The following PLIN1 variants were observed in gnomAD, a reference collection of about 807,000 sequenced individuals.
PLIN1 encodes the protein perilipin 1, also known as perilipin-1.
In PLIN1, 37 loss-of-function variants were observed where a neutral mutation model predicts 45.8. The ratio of observed to expected loss-of-function variants is 0.81; its 90% CI spans 0.62 to 1.06. The LOEUF (loss-of-function observed/expected upper bound fraction) is 1.06. Ranked by LOEUF, PLIN1 falls within the 50% of genes least tolerant of loss-of-function variation. The pLI is 0.00. For synonymous variants in PLIN1, 340 were observed against 309.2 expected (o/e 1.10, Z -1.05); for missense variants, 776 against 716.5 (o/e 1.08, Z -0.95).
chr15:89,670,449 C>A (rs1370442430), intron 4 of PLIN1, among the ~76,000 whole-genome samples: 2 of 152,170 alleles, frequency 1.3e-5, no homozygotes, highest in Admixed American at 6.5e-5. Flanking sequence ...CTGTTTGGAT[C>A]TCCTGGCTTC....
intron 4 of PLIN1, 84 bp downstream of exon 4, chr15:89,671,398 G>C: frequency 1.0e-6 from 1 of 976,160 alleles, no homozygotes; most frequent in Non-Finnish European, 1.6e-6. Flanking sequence ...TTCCAGTCAC[G>C]GCATCAGCAG....
At chr15:89,668,519 A>T (rs1049369417) in intron 6 of PLIN1, among the ~76,000 whole-genome samples, 2 of 152,248 alleles carry the variant, frequency 1.3e-5, no homozygotes, top group Non-Finnish European at 2.9e-5. Context: ...GAAAAATTCA[A>T]TGAACCAGAG....
chr15:89,664,859 T>A lies in PLIN1; in HGVS notation c.*724A>T, dbSNP rs1964306328. The A allele has an allele frequency of 2.2e-6, 1 of 456,028 alleles. No individual in the cohort carries two copies. The highest frequency in any genetic ancestry group is 2.3e-5 in the Admixed American group (1 of 42,562). The allele number at this position is 456,028 out of a possible 1,614,324, so 28.2% of individuals were successfully genotyped here. ...ACATAAAGTCTATATATCATCACCA[T>A]TTTGGTTCCCCAGCATCAAAAGAGT... On this transcript the variant is annotated 3_prime_UTR_variant, in exon 9 of 9. Transcript: ENST00000300055.
chr15:89,667,028 C>T lies in PLIN1; in HGVS notation c.1117G>A (p.Val373Ile). Residue 373 changes from valine to isoleucine, a missense_variant, in exon 8 of 9, where the codon GTC (valine) becomes ATC (isoleucine). Physicochemically the swap from Val to Ile is conservative, Grantham distance 29. Coordinates refer to ENST00000300055, the MANE Select transcript of PLIN1 (RefSeq NM_002666.5). Reference protein sequence around the residue: ...RVLHLTPAPAVSSTKGRAMSL... With the variant: ...RVLHLTPAPAISSTKGRAMSL... ...ATGGCCCTCCCCTTGGTTGAGGAGA[C>T]AGCAGGGGCTGGTGTGAGGTGCAGC... 1 of 1,614,138 alleles carries T rather than the reference C, an allele frequency of 6.2e-7. No homozygotes were observed. Among genetic ancestry groups the T allele is most frequent in the Non-Finnish European group, 8.5e-7 (1 of 1,179,994 alleles).
rs375393373 is a variant in PLIN1 at position 89,669,609 on chromosome 15, C to T, written c.662G>A (p.Arg221Lys). 2 of 1,614,102 alleles carry T rather than the reference C, an allele frequency of 1.2e-6. No individual in the cohort carries two copies. The highest frequency in any genetic ancestry group is 1.1e-5 in the South Asian group (1 of 91,078). ...GAGGGTGTTGGTCAGAGCCCCAACC[C>T]TGCTCAAGAGGCTTGGCTTGGCCTT... Reference protein sequence around the residue: ...SPKAKPSLLSRVGALTNTLSR... With the variant: ...SPKAKPSLLSKVGALTNTLSR... Residue 221 changes from arginine to lysine, a missense_variant, in exon 6 of 9, where the codon AGG (arginine) becomes AAG (lysine). Physicochemically the swap from Arg to Lys is conservative, Grantham distance 26. Coordinates refer to ENST00000300055, the MANE Select transcript of PLIN1 (RefSeq NM_002666.5).
chr15:89,675,073 G>A (rs1034373178), intron 2 of PLIN1, among the ~76,000 whole-genome samples: 3 of 151,956 alleles, frequency 2.0e-5, no homozygotes, highest in Admixed American at 6.6e-5. Flanking sequence ...CCATAATCAC[G>A]CCACTGTACC....
At chr15:89,676,423 A>G (rs772885692) in intron 2 of PLIN1, among the ~76,000 whole-genome samples, 4 of 151,926 alleles carry the variant, frequency 2.6e-5, no homozygotes, top group Non-Finnish European at 4.4e-5. Context: ...GATTTTTTGT[A>G]TTTTTAGTAG....
chr15:89,677,423 C>T (rs1596044913), intron 2 of PLIN1, 22 bp downstream of exon 2: 2 of 1,605,312 alleles, frequency 1.2e-6, no homozygotes, highest in Non-Finnish European at 1.7e-6. Context: ...TCCCCTGTCA[C>T]AGATGAGCCC....
chr15:89,669,520 T>C lies in PLIN1; in HGVS notation c.751A>G (p.Ile251Val). 1 of 1,612,988 alleles carries C rather than the reference T, an allele frequency of 6.2e-7. No homozygotes were observed. The highest frequency in any genetic ancestry group is 8.5e-7 in the Non-Finnish European group (1 of 1,179,954). The change falls in exon 6 of 9, where the codon ATC becomes GTC. Residue 251 changes from isoleucine (I) to valine (V), a missense_variant. By Grantham distance (29) the Ile-to-Val change is conservative (BLOSUM62 3). Transcript: ENST00000300055. ...CTTACCAGGGGCACCACGCCTGGGATCCACATGGCCACGGTGTGGCCCTGC... is the reference window on the plus strand; with the variant it reads ...CTTACCAGGGGCACCACGCCTGGGACCCACATGGCCACGGTGTGGCCCTGC... ...LEQGHTVAMWIPGVVPLSSLA... is the reference protein window; with the variant it reads ...LEQGHTVAMWVPGVVPLSSLA...
Position 89,673,293 on chromosome 15 carries a change from T to C in PLIN1, c.167A>G (p.Asn56Ser), listed in dbSNP as rs760083919. Reference sequence around the variant, plus strand: ...GCTCTGCACGCCCTTCTCATAGGCATTGCACACAGAGGCCACCAGGGGGTG... The same window carrying C: ...GCTCTGCACGCCCTTCTCATAGGCACTGCACACAGAGGCCACCAGGGGGTG... ...EAHPLVASVCNAYEKGVQSAS... is the reference protein window; with the variant it reads ...EAHPLVASVCSAYEKGVQSAS... Residue 56 changes from asparagine to serine, a missense_variant, in exon 3 of 9, where the codon AAT becomes AGT. Asn to Ser is a conservative substitution (Grantham distance 46). Transcript: ENST00000300055. 5.7e-6 allele frequency: 9 copies of C among 1,586,472 alleles called. No individual in the cohort carries two copies. In the African/African-American group the frequency reaches 9.4e-5, roughly 17 times the overall value.
At position 89,667,631 on chromosome 15, in the gene PLIN1, A is replaced by C; in HGVS notation, c.934T>G (p.Leu312Val). The change falls in exon 7 of 9, where the codon TTG becomes GTG. Residue 312 changes from leucine to valine, a missense_variant. Coordinates refer to ENST00000300055, the MANE Select transcript of PLIN1 (RefSeq NM_002666.5). The part of the protein sequence containing the change: ...EGEDTEEEEE[L>V]ETEENKFSEV... The stretch of plus-strand genomic sequence containing the variant: ...CTGAACTTGTTCTCCTCAGTCTCCA[A>C]TTCTTCCTCCTCCTCCGTGTCCTCT... 9 of 1,613,544 alleles carry C rather than the reference A, an allele frequency of 5.6e-6. No homozygotes were observed. The highest frequency in any genetic ancestry group is 7.6e-6 in the Non-Finnish European group (9 of 1,179,746).
rs1375634395 is a variant in PLIN1 at position 89,669,983 on chromosome 15, A to C, written c.595T>G (p.Ser199Ala). The C allele has an allele frequency of 1.2e-6, 2 of 1,610,148 alleles. No individual in the cohort carries two copies. Among genetic ancestry groups the C allele is most frequent in the Admixed American group, 1.7e-5 (1 of 59,806 alleles). ...CGAGCCTCCGAATGGCAGGTACCTG[A>C]CTCTTCCTTGTCTGGAGGGAGGAGG... ...EYLLPPDKEE[S>A]APAPGHQQAQ... Residue 199 changes from serine to alanine, a missense_variant, in exon 5 of 9, where the codon TCA becomes GCA. By Grantham distance (99) the Ser-to-Ala change is moderately conservative. Coordinates refer to ENST00000300055, the MANE Select transcript of PLIN1 (RefSeq NM_002666.5).
chr15:89,669,512 G>A lies in PLIN1; in HGVS notation c.759C>T (p.Gly253=), dbSNP rs370130257. ...GGCAGATACTTACCAGGGGCACCACGCCTGGGATCCACATGGCCACGGTGT... is the reference window on the plus strand; with the variant it reads ...GGCAGATACTTACCAGGGGCACCACACCTGGGATCCACATGGCCACGGTGT... ...QGHTVAMWIP[G]VVPLSSLAQW... The change falls in exon 6 of 9, where the codon GGC becomes GGT. Residue 253 remains glycine (G), a synonymous_variant. Coordinates refer to ENST00000300055, the MANE Select transcript of PLIN1 (RefSeq NM_002666.5). 1.2e-6 allele frequency: 2 copies of A among 1,612,282 alleles called. No individual in the cohort carries two copies. Among genetic ancestry groups the A allele is most frequent in the South Asian group, 1.1e-5 (1 of 91,050 alleles).
intron 2 of PLIN1, among the ~76,000 whole-genome samples, chr15:89,674,684 A>G (rs1964489420): frequency 6.6e-6 from 1 of 152,090 alleles, no homozygotes; most frequent in Non-Finnish European, 1.5e-5. Context: ...AAACTGAGCA[A>G]ACCTATTTCC....
rs1473648937 is a variant in PLIN1 at position 89,665,106 on chromosome 15, G to C, written c.*477C>G. 5.5e-6 allele frequency: 2 copies of C among 363,118 alleles called. No homozygotes were observed. The highest frequency in any genetic ancestry group is 7.1e-5 in the Admixed American group (2 of 28,020). 22.5% of individuals were successfully genotyped at this position (363,118 alleles called of 1,614,324 possible). A position where few individuals can be genotyped will look rare whatever the true frequency, so the allele number is the denominator to read the frequency against. On this transcript the variant is annotated 3_prime_UTR_variant, in exon 9 of 9. Transcript: ENST00000300055. ...ATCATCAGAGGATGTTCATCAGAGG[G>C]GGAACAGATCATCCTAGATCACAGA...
chr15:89,665,533 A>G lies in PLIN1; in HGVS notation c.*50T>C, dbSNP rs1596037748. On this transcript the variant is annotated 3_prime_UTR_variant, in exon 9 of 9. Coordinates refer to ENST00000300055, the MANE Select transcript of PLIN1 (RefSeq NM_002666.5). ...CGCCTGGGCAGTGCGGGTTCTGTTT[A>G]TTTGTTAGAGAAACCCGCCGGCCCG... The G allele has an allele frequency of 6.6e-7, 1 of 1,514,830 alleles. No homozygotes were observed. Among genetic ancestry groups the G allele is most frequent in the East Asian group, 2.6e-5 (1 of 39,192 alleles). 93.8% of individuals were successfully genotyped at this position (1,514,830 alleles called of 1,614,324 possible). A position where few individuals can be genotyped will look rare whatever the true frequency, so the allele number is the denominator to read the frequency against.
Position 89,670,118 on chromosome 15 carries a change from A to C in PLIN1, c.460T>G (p.Trp154Gly). 2 of 1,614,148 alleles carry C rather than the reference A, an allele frequency of 1.2e-6. No individual in the cohort carries two copies. The highest frequency in any genetic ancestry group is 1.7e-6 in the Non-Finnish European group (2 of 1,180,016). The change falls in exon 5 of 9, where the codon TGG becomes GGG. Residue 154 changes from tryptophan to glycine, a missense_variant. By Grantham distance (184) the Trp-to-Gly change is radical. Transcript: ENST00000300055. ...GAALAGCELA[W>G]GVARDTAEFA... ...TCCGCAGTGTCTCTGGCCACCCCCC[A>C]GGCAAGCTCGCACCCGGCCAAAGCG...
At chr15:89,666,019 G>GC in intron 8 of PLIN1, 77 bp from the exon 9 acceptor site, 1 of 1,161,154 alleles carries the variant, frequency 8.6e-7, no homozygotes, top group South Asian at 1.8e-5. Flanking sequence ...CCCTTCCCGG[G>GC]CCCCTCGATT....
At chr15:89,677,578 T>G (rs1029990776) in intron 1 of PLIN1, 75 bp from the exon 2 acceptor site, 54 of 1,263,856 alleles carry the variant, frequency 4.3e-5, no homozygotes, top group Non-Finnish European at 4.6e-6. Context: ...CTACCTCTCA[T>G]GGCCACCAAC....
Sources: allele counts gnomAD v4.1 joint callset (sites outside exome capture counted in the v4.1 genomes callset), GRCh38; gene constraint gnomAD v4.1.1; transcripts MANE v1.5; gene names NCBI Gene and HGNC (gene_info 2026-07-23, HGNC 2026-07-21).